Variants in PRRG2 observed in about 807,000 individuals in gnomAD.
The protein encoded by PRRG2 is transmembrane gamma-carboxyglutamic acid protein 2.
PRRG2 carries 23 observed loss-of-function variants against 27.1 expected under a neutral mutation model. That is an observed-to-expected ratio of 0.85 (90% CI 0.61 to 1.20). The LOEUF is 1.20. Ranked by LOEUF, PRRG2 falls within the 50% of genes most tolerant of loss-of-function variation. The probability of loss-of-function intolerance (pLI) is 0.00; values close to 1 mark genes in which losing one functional copy is unlikely to be tolerated. For synonymous variants in PRRG2, 104 were observed against 103.4 expected (o/e 1.01, Z -0.03); for missense variants, 276 against 254.8 (o/e 1.08, Z -0.57).
intron 1 of PRRG2, among the ~76,000 whole-genome samples, chr19:49,582,068 C>A (rs542466981): frequency 7.0e-4 from 106 of 151,390 alleles, no homozygotes; most frequent in African/African-American, 2.5e-3. Flanking sequence ...GGTGAAACCC[C>A]ATCTCTACTA....
At chr19:49,589,088 T>C (rs1018369075) in intron 5 of PRRG2, among the ~76,000 whole-genome samples, 12 of 151,534 alleles carry the variant, frequency 7.9e-5, no homozygotes, top group African/African-American at 2.2e-4. Flanking sequence ...TTCTGTCTGT[T>C]TGGTGTGTGT....
In PRRG2 at chr19:49,588,490, C is replaced by T; in HGVS notation, c.302-7C>T. On this transcript the variant is annotated splice_polypyrimidine_tract_variant and splice_region_variant and intron_variant, in intron 4 of 6. Transcript: ENST00000246794. ...GACAGTGTCTCCCCTTCCCTACTTTCCTGCAGGGCGTGGACGAGTGGATGT... is the reference window on the plus strand; with the variant it reads ...GACAGTGTCTCCCCTTCCCTACTTTTCTGCAGGGCGTGGACGAGTGGATGT... The T allele has an allele frequency of 6.3e-7, 1 of 1,588,816 alleles. No homozygotes were observed. Among genetic ancestry groups the T allele is most frequent in the Non-Finnish European group, 8.6e-7 (1 of 1,168,248 alleles).
chr19:49,582,093 T>C (rs1208147230), intron 1 of PRRG2, among the ~76,000 whole-genome samples: 1 of 150,586 alleles, frequency 6.6e-6, no homozygotes, highest in Non-Finnish European at 1.5e-5. Flanking sequence ...TACAAAAAAT[T>C]AGCCAGGCGT....
At chr19:49,590,229 T>C (rs1292799057) in intron 6 of PRRG2, 142 bp from the exon 7 acceptor site, 1 of 1,451,576 alleles carries the variant, frequency 6.9e-7, no homozygotes, top group Non-Finnish European at 9.6e-7. Flanking sequence ...GTTGTATGTG[T>C]GGAGCCGTAT....
chr19:49,588,640 G>A lies in PRRG2; in HGVS notation c.437+8G>A, dbSNP rs2080690609. 6.6e-7 allele frequency: 1 copy of A among 1,524,898 alleles called. No homozygotes were observed. The highest frequency in any genetic ancestry group is 2.2e-5 in the Admixed American group (1 of 44,798). 94.5% of individuals were successfully genotyped at this position (1,524,898 alleles called of 1,614,324 possible). A position where few individuals can be genotyped will look rare whatever the true frequency, so the allele number is the denominator to read the frequency against. On this transcript the variant is annotated splice_region_variant and intron_variant, in intron 5 of 6. Coordinates refer to ENST00000246794, the MANE Select transcript of PRRG2 (RefSeq NM_000951.3). Reference sequence around the variant, plus strand: ...GCAGCCCTGTCCCCAAGAGTAAGGGGGCTTCAGCGAGGAGGGGGTGGTGGT... The same window carrying A: ...GCAGCCCTGTCCCCAAGAGTAAGGGAGCTTCAGCGAGGAGGGGGTGGTGGT...
rs758923372 is a variant in PRRG2 at position 49,589,957 on chromosome 19, G to A, written c.495G>A (p.Leu165=). 12 of 1,593,308 alleles carry A rather than the reference G, an allele frequency of 7.5e-6. No homozygotes were observed. The highest frequency in any genetic ancestry group is 9.4e-6 in the Non-Finnish European group (11 of 1,171,310). Residue 165 remains leucine (L), a synonymous_variant, in exon 6 of 7, where the codon CTG becomes CTA. Coordinates refer to ENST00000246794, the MANE Select transcript of PRRG2 (RefSeq NM_000951.3). ...PLNPLGPPTP[L]PPPPPPPPGL... ...ACCCTCTGGGCCCACCGACGCCCCT[G>A]CCTCCACCCCCACCCCCACCCCCAG...
At chr19:49,586,795 G>A (rs2080673748) in intron 4 of PRRG2, among the ~76,000 whole-genome samples, 1 of 152,166 alleles carries the variant, frequency 6.6e-6, no homozygotes, top group Non-Finnish European at 1.5e-5. Context: ...AGGTTGCGGT[G>A]AGCCGAGATT....
At chr19:49,589,123 C>CTTTTT (rs778928178) in intron 5 of PRRG2, among the ~76,000 whole-genome samples, 3 of 106,070 alleles carry the variant, frequency 2.8e-5, no homozygotes, top group Non-Finnish European at 3.7e-5. Flanking sequence ...ACAGGGCTGT[C>CTTTTT]TTTTTTTTTT....
chr19:49,585,151 C>T (rs898453660), intron 4 of PRRG2, among the ~76,000 whole-genome samples: 2 of 152,200 alleles, frequency 1.3e-5, no homozygotes, highest in African/African-American at 4.8e-5. Flanking sequence ...TTCCCCTCCC[C>T]CACAGCCCCA....
rs56290330 is a variant in PRRG2, at chr19:49,590,551, C to T, written c.*162C>T. 3.3e-5 allele frequency: 32 copies of T among 963,500 alleles called. No homozygotes were observed. The highest frequency in any genetic ancestry group is 4.9e-5 in the Non-Finnish European group (31 of 629,794). The allele number at this position is 963,500 out of a possible 1,614,324, so 59.7% of individuals were successfully genotyped here. ...CCTGCCCTGGCACACGCGTTTCCGCCGCGTATGGATATACACATGTTTTCG... is the reference window on the plus strand; with the variant it reads ...CCTGCCCTGGCACACGCGTTTCCGCTGCGTATGGATATACACATGTTTTCG... On this transcript the variant is annotated 3_prime_UTR_variant, in exon 7 of 7. Coordinates refer to ENST00000246794, the MANE Select transcript of PRRG2 (RefSeq NM_000951.3).
chr19:49,585,046 G>A (rs2080658818), intron 4 of PRRG2, among the ~76,000 whole-genome samples: 1 of 152,146 alleles, frequency 6.6e-6, no homozygotes, highest in African/African-American at 2.4e-5. Flanking sequence ...TTCCCATCTT[G>A]TTGCCAGCCT....
At chr19:49,582,239 TAA>T (rs760309836) in intron 1 of PRRG2, among the ~76,000 whole-genome samples, 3 of 74,812 alleles carry the variant, frequency 4.0e-5, no homozygotes, top group Admixed American at 1.6e-4. Context: ...AGACTCTGTC[TAA>T]AAAAAAAAAA....
At chr19:49,589,543 C>T (rs910135681) in intron 5 of PRRG2, among the ~76,000 whole-genome samples, 12 of 151,592 alleles carry the variant, frequency 7.9e-5, no homozygotes, top group African/African-American at 2.9e-4. Context: ...AAGAAATCCT[C>T]CCACCTCAGC....
chr19:49,584,196 A>T (rs1328630064), intron 4 of PRRG2, among the ~76,000 whole-genome samples: 1 of 147,728 alleles, frequency 6.8e-6, no homozygotes, highest in Non-Finnish European at 1.5e-5. Context: ...TTTGAGACAG[A>T]GTCTCGCTCT....
At chr19:49,585,978 G>C (rs1364655760) in intron 4 of PRRG2, among the ~76,000 whole-genome samples, 1 of 151,018 alleles carries the variant, frequency 6.6e-6, no homozygotes, top group African/African-American at 2.4e-5. Flanking sequence ...TATTGGGGAG[G>C]CTGAGGCAGG....
intron 4 of PRRG2, among the ~76,000 whole-genome samples, chr19:49,586,298 C>T (rs577753929): frequency 3.3e-5 from 5 of 151,542 alleles, no homozygotes; most frequent in East Asian, 2.0e-4. Flanking sequence ...GTGTTGTCTA[C>T]GCTGCTCTCG....
At position 49,587,139 on chromosome 19, in the gene PRRG2, C is replaced by T. The variant is rs372624558; in HGVS notation, c.302-1358C>T. On this transcript the variant is annotated intron_variant, in intron 4 of 6. Coordinates refer to ENST00000246794, the MANE Select transcript of PRRG2 (RefSeq NM_000951.3). ...CCACTGCACTCCATACAGAGTCAGA[C>T]CCTGTCTCAAAAAAAAAAAAATTTT... Among the ~76,000 whole-genome samples the T allele has an allele frequency of 2.5e-4, 38 of 150,168 alleles. No homozygotes were observed. The South Asian group carries it at 7.5e-3, about 29-fold the overall frequency.
At chr19:49,585,677 A>G (rs1302559578) in intron 4 of PRRG2, among the ~76,000 whole-genome samples, 1 of 152,104 alleles carries the variant, frequency 6.6e-6, no homozygotes, top group African/African-American at 2.4e-5. Flanking sequence ...GTGTGCCTAT[A>G]ATTCCAGCTA....
chr19:49,583,425 A>G, intron 2 of PRRG2, 117 bp from the exon 3 acceptor site: 3 of 1,504,332 alleles, frequency 2.0e-6, no homozygotes, highest in Non-Finnish European at 1.8e-6. Context: ...CTTCAGACCC[A>G]GGAATCTGGA....
Sources: gnomAD v4.1 joint callset for allele counts (sites outside exome capture counted in the v4.1 genomes callset) on GRCh38, gnomAD v4.1.1 for gene constraint, MANE v1.5 for transcripts, NCBI Gene and HGNC (gene_info 2026-07-23, HGNC 2026-07-21) for gene names.